Variants in DNAJC5B observed in about 807,000 individuals in gnomAD.
DNAJC5B encodes dnaJ homolog subfamily C member 5B.
In DNAJC5B, 23 loss-of-function variants were observed where a neutral mutation model predicts 24.7. The observed-to-expected ratio is 0.93, with a 90% confidence interval of 0.67 to 1.32. The LOEUF (loss-of-function observed/expected upper bound fraction) is 1.32, where lower values mean the gene tolerates loss of function less well. Ranked by LOEUF, DNAJC5B falls within the 40% of genes most tolerant of loss-of-function variation. The pLI is 0.00. For missense variants in DNAJC5B, 238 were observed against 240.8 expected, an observed-to-expected ratio of 0.99 and a Z score of 0.08; for synonymous variants, 101 against 90.1, an observed-to-expected ratio of 1.12 and a Z score of -0.68.
At chr8:66,092,425 AG>A (rs1255898227) in intron 5 of DNAJC5B, among the ~76,000 whole-genome samples, 2 of 152,096 alleles carry the variant, frequency 1.3e-5, no homozygotes, top group East Asian at 3.9e-4. Flanking sequence ...GCTAGGACAG[AG>A]GGCTGTGGAG....
intron 1 of DNAJC5B, among the ~76,000 whole-genome samples, chr8:66,039,284 C>G (rs1191157380): frequency 6.6e-6 from 1 of 151,904 alleles, no homozygotes; most frequent in Non-Finnish European, 1.5e-5. Flanking sequence ...GCAATTCACT[C>G]AACCTCCTCA....
chr8:66,079,534 G>A (rs1807544683), intron 4 of DNAJC5B, among the ~76,000 whole-genome samples: 1 of 152,182 alleles, frequency 6.6e-6, no homozygotes, highest in South Asian at 2.1e-4. Flanking sequence ...CTGGGGAACT[G>A]GGAGGTGGAC....
intron 3 of DNAJC5B, among the ~76,000 whole-genome samples, chr8:66,073,938 A>T (rs76369087): frequency 0.032 from 4,930 of 152,326 alleles, 121 homozygotes; most frequent in Middle Eastern, 0.072. Flanking sequence ...TGGTTAATTC[A>T]GTAAATTAAA....
At chr8:66,017,707 G>C (rs1382349534), upstream of DNAJC5B, among the ~76,000 whole-genome samples, 1 of 152,032 alleles carries the variant, frequency 6.6e-6, no homozygotes, top group Non-Finnish European at 1.5e-5. Context: ...GTTTCCAGTG[G>C]GTCACTGAAA....
intron 5 of DNAJC5B, among the ~76,000 whole-genome samples, chr8:66,099,336 C>A (rs1033608712): frequency 1.4e-4 from 21 of 152,316 alleles, no homozygotes; most frequent in Middle Eastern, 6.8e-3. Flanking sequence ...GCACCCAAAT[C>A]AAAGGCTAAC....
chr8:66,071,017 G>A (rs1219162293), intron 3 of DNAJC5B, among the ~76,000 whole-genome samples: 1 of 152,050 alleles, frequency 6.6e-6, no homozygotes, highest in Admixed American at 6.6e-5. Context: ...AACTGAAACT[G>A]GACCCCTTCC....
rs554623899 is a variant in DNAJC5B at position 66,022,709 on chromosome 8, G to GA, written c.-142+1007dup. 3.3e-5 allele frequency among the ~76,000 whole-genome samples: 5 copies of GA among 152,288 alleles called. No individual in the cohort carries two copies. The South Asian group carries it at 8.3e-4, about 25-fold the overall frequency. On this transcript the variant is annotated intron_variant, in intron 1 of 5. Transcript: ENST00000276570. The stretch of plus-strand genomic sequence containing the variant: ...TAAGGTCAATACTCTCACACTCTAT[G>GA]AAAGTAGTAATAGTCCCCAAAGCAT...
intron 5 of DNAJC5B, among the ~76,000 whole-genome samples, chr8:66,095,385 A>G (rs567526573): frequency 2.0e-5 from 3 of 151,284 alleles, no homozygotes; most frequent in African/African-American, 4.9e-5. Flanking sequence ...TATTCTTTAC[A>G]TTGGTCATTT....
chr8:66,063,828 C>T (rs967842813), intron 3 of DNAJC5B, among the ~76,000 whole-genome samples: 12 of 152,166 alleles, frequency 7.9e-5, no homozygotes, highest in African/African-American at 2.4e-4. Flanking sequence ...TTCATCTATC[C>T]CACTCACTGT....
intron 5 of DNAJC5B, among the ~76,000 whole-genome samples, chr8:66,085,678 C>A (rs996675545): frequency 2.0e-5 from 3 of 152,134 alleles, no homozygotes; most frequent in Non-Finnish European, 4.4e-5. Context: ...ATCAATTCCA[C>A]ACTGTCTTGC....
intron 5 of DNAJC5B, among the ~76,000 whole-genome samples, chr8:66,081,236 G>A (rs887227782): frequency 6.6e-6 from 1 of 152,100 alleles, no homozygotes; most frequent in East Asian, 1.9e-4. Flanking sequence ...GATCTCACAG[G>A]ATTCACAGCA....
At chr8:66,039,210 G>A (rs935116391) in intron 1 of DNAJC5B, among the ~76,000 whole-genome samples, 2 of 152,202 alleles carry the variant, frequency 1.3e-5, no homozygotes, top group Non-Finnish European at 2.9e-5. Flanking sequence ...GACAGCTTGA[G>A]CTATGGAATC....
chr8:66,084,102 T>A (rs1807665966), intron 5 of DNAJC5B, among the ~76,000 whole-genome samples: 1 of 152,170 alleles, frequency 6.6e-6, no homozygotes, highest in African/African-American at 2.4e-5. Context: ...TTGCAGTTAG[T>A]TGTATTAGTT....
At chr8:66,073,220 A>T (rs1807387805) in intron 3 of DNAJC5B, among the ~76,000 whole-genome samples, 2 of 152,174 alleles carry the variant, frequency 1.3e-5, no homozygotes, top group Non-Finnish European at 2.9e-5. Flanking sequence ...TATTTCAAAC[A>T]TAAAAATAGA....
At chr8:66,076,964 C>A in intron 4 of DNAJC5B, 91 bp downstream of exon 4, 1 of 1,354,738 alleles carries the variant, frequency 7.4e-7, no homozygotes, top group South Asian at 1.3e-5. Flanking sequence ...GTCTAACCTT[C>A]CTGCTATTAA....
At chr8:66,015,625 C>G in the DNAJC5B span, among the ~76,000 whole-genome samples, 1 of 151,938 alleles carries the variant, frequency 6.6e-6, no homozygotes, top group Non-Finnish European at 1.5e-5. Context: ...ATTGAAGGAG[C>G]AAGTTCTCAA....
Position 66,072,984 on chromosome 8 carries a change from C to G in DNAJC5B, c.120-3676C>G, listed in dbSNP as rs1308449983. Among the ~76,000 whole-genome samples, 17 of 152,194 alleles carry G rather than the reference C, an allele frequency of 1.1e-4. No individual in the cohort carries two copies. In the East Asian group the frequency reaches 3.3e-3, roughly 29 times the overall value. On this transcript the variant is annotated intron_variant, in intron 3 of 5. Coordinates refer to ENST00000276570, the MANE Select transcript of DNAJC5B (RefSeq NM_033105.6). ...CATAGTGAATTCAGAAGAAGGACAC[C>G]TGTTACAGCCACTTTTGACATCGTA...
In DNAJC5B at chr8:66,080,470, G is replaced by C; in HGVS notation, c.427G>C (p.Glu143Gln). 1.2e-6 allele frequency: 2 copies of C among 1,613,974 alleles called. No homozygotes were observed. The highest frequency in any genetic ancestry group is 1.1e-5 in the South Asian group (1 of 91,070). The stretch of plus-strand genomic sequence containing the variant: ...CTGCTGCTGTGGACACTGCCGGCCC[G>C]AGTCATCAGTGCCAGAAGAGGACTT... ...CNCCCGHCRP[E>Q]SSVPEEDFYV... The change falls in exon 5 of 6, where the codon GAG becomes CAG. Residue 143 changes from glutamate (E) to glutamine (Q), a missense_variant. Coordinates refer to ENST00000276570, the MANE Select transcript of DNAJC5B (RefSeq NM_033105.6).
chr8:66,039,154 A>G (rs1455754786), intron 1 of DNAJC5B, among the ~76,000 whole-genome samples: 1 of 152,214 alleles, frequency 6.6e-6, no homozygotes, highest in Non-Finnish European at 1.5e-5. Flanking sequence ...AGCAGGCAGC[A>G]GTCCCCTGGA....
Sources: allele counts gnomAD v4.1 joint callset (sites outside exome capture counted in the v4.1 genomes callset), GRCh38; gene constraint gnomAD v4.1.1; transcripts MANE v1.5; gene names NCBI Gene and HGNC (gene_info 2026-07-23, HGNC 2026-07-21).